The following SYT16 variants were observed in gnomAD, a reference collection of about 807,000 sequenced individuals.
SYT16 encodes synaptotagmin 16, also known as synaptotagmin-16.
Under a neutral mutation model 61.4 loss-of-function variants are expected in SYT16, and 42 were observed. The observed-to-expected ratio is 0.68, with a 90% CI of 0.53 to 0.89. SYT16 has a LOEUF of 0.89. Ranked by LOEUF, SYT16 falls within the 40% of genes least tolerant of loss-of-function variation. The pLI is 0.00. For missense variants in SYT16, 804 were observed against 807.3 expected (o/e 1.00, Z 0.05); for synonymous variants, 314 against 302.3 (o/e 1.04, Z -0.40).
intron 2 of SYT16, among the ~76,000 whole-genome samples, chr14:61,991,950 GT>G (rs2052567858): frequency 2.7e-5 from 4 of 149,160 alleles, no homozygotes; most frequent in Admixed American, 2.7e-4. Flanking sequence ...AACTTTGTTC[GT>G]TCATTCATTC....
intron 1 of SYT16, among the ~76,000 whole-genome samples, chr14:61,923,433 T>C (rs1004709787): frequency 8.5e-5 from 13 of 152,214 alleles, no homozygotes; most frequent in African/African-American, 3.1e-4. Flanking sequence ...ATTGTATTGA[T>C]TTCTACTGCT....
chr14:61,822,875 G>C (rs1239385229), intron 1 of SYT16, among the ~76,000 whole-genome samples: 2 of 152,208 alleles, frequency 1.3e-5, no homozygotes, highest in Non-Finnish European at 2.9e-5. Flanking sequence ...TTATACCAAA[G>C]AACAACTGTT....
intron 3 of SYT16, among the ~76,000 whole-genome samples, chr14:62,068,398 AACAAAAC>A (rs1201480886): frequency 1.7e-5 from 2 of 116,138 alleles, no homozygotes; most frequent in Non-Finnish European, 3.4e-5. Flanking sequence ...AACAAAACAA[AACAAAAC>A]AGTTACCAAG....
At chr14:62,054,117 T>A (rs955780660) in intron 3 of SYT16, among the ~76,000 whole-genome samples, 2 of 152,208 alleles carry the variant, frequency 1.3e-5, no homozygotes, top group African/African-American at 4.8e-5. Flanking sequence ...CTTGTCAGCA[T>A]GTGTGTGATA....
intron 5 of SYT16, among the ~76,000 whole-genome samples, chr14:62,078,187 A>G (rs1202603040): frequency 1.3e-5 from 2 of 151,598 alleles, no homozygotes; most frequent in Admixed American, 6.6e-5. Context: ...ACACACACAC[A>G]CACACACACA....
chr14:61,910,982 TC>T (rs2094241752), intron 1 of SYT16, among the ~76,000 whole-genome samples: 1 of 152,216 alleles, frequency 6.6e-6, no homozygotes, highest in South Asian at 2.1e-4. Context: ...TTTTAGATGT[TC>T]CCCCAAGCTG....
intron 1 of SYT16, among the ~76,000 whole-genome samples, chr14:61,950,552 G>A (rs529199205): frequency 2.6e-5 from 4 of 152,306 alleles, no homozygotes; most frequent in South Asian, 2.1e-4. Flanking sequence ...ATGTGGGCAC[G>A]CAAGTGGGTG....
chr14:62,010,147 CA>C (rs1181314990), intron 3 of SYT16, among the ~76,000 whole-genome samples: 1 of 152,046 alleles, frequency 6.6e-6, no homozygotes, highest in African/African-American at 2.4e-5. Flanking sequence ...GTTAAGTGCA[CA>C]AAACTTAGAT....
chr14:62,105,025 A>C lies in SYT16; in HGVS notation c.*4318A>C, dbSNP rs2057489491. The stretch of plus-strand genomic sequence containing the variant: ...ACAAAAACCAACGTTCAGATACTGT[A>C]ACAAGGATAGGCTCATGAAGCCAGG... On this transcript the variant is annotated 3_prime_UTR_variant, in exon 8 of 8. Transcript: ENST00000683842. 1 of 152,260 alleles carries C rather than the reference A, an allele frequency of 6.6e-6. No homozygotes were observed. Among genetic ancestry groups the C allele is most frequent in the African/African-American group, 2.4e-5 (1 of 41,470 alleles). 9.4% of individuals were successfully genotyped at this position (152,260 alleles called of 1,614,324 possible).
chr14:61,828,203 A>G (rs1594704667), intron 1 of SYT16, among the ~76,000 whole-genome samples: 1 of 152,216 alleles, frequency 6.6e-6, no homozygotes, highest in Non-Finnish European at 1.5e-5. Context: ...CAGAAATATG[A>G]GAAAATTTTA....
At chr14:61,932,058 G>C (rs2049793465) in intron 1 of SYT16, among the ~76,000 whole-genome samples, 2 of 152,194 alleles carry the variant, frequency 1.3e-5, no homozygotes, top group Admixed American at 6.5e-5. Flanking sequence ...GGTGACCAGA[G>C]GACAATTTTA....
intron 3 of SYT16, among the ~76,000 whole-genome samples, chr14:62,019,545 T>G (rs1466935459): frequency 6.6e-6 from 1 of 152,218 alleles, no homozygotes; most frequent in Non-Finnish European, 1.5e-5. Flanking sequence ...AGAATTAGGA[T>G]GAAACAAGCA....
chr14:61,933,250 G>C (rs79316685), intron 1 of SYT16, among the ~76,000 whole-genome samples: 1 of 152,204 alleles, frequency 6.6e-6, no homozygotes, highest in Non-Finnish European at 1.5e-5. Flanking sequence ...GGAAGAGACA[G>C]ACACAAAGCT....
chr14:61,977,043 G>A (rs976911569), intron 2 of SYT16, among the ~76,000 whole-genome samples: 2 of 152,162 alleles, frequency 1.3e-5, no homozygotes, highest in African/African-American at 2.4e-5. Flanking sequence ...CTAAAGCATA[G>A]CAAGGGTGGC....
intron 3 of SYT16, among the ~76,000 whole-genome samples, chr14:62,065,370 A>ACTTCG (rs2056017381): frequency 6.6e-6 from 1 of 152,134 alleles, no homozygotes; most frequent in South Asian, 2.1e-4. Flanking sequence ...TTCCTACTTC[A>ACTTCG]TGGAATGGGT....
intron 1 of SYT16, among the ~76,000 whole-genome samples, chr14:61,893,091 TGC>T (rs2048198059): frequency 6.6e-6 from 1 of 152,114 alleles, no homozygotes. Context: ...AGAGAATTCC[TGC>T]ACACTTCCCA....
intron 3 of SYT16, among the ~76,000 whole-genome samples, chr14:62,008,012 C>G (rs2053293031): frequency 6.6e-6 from 1 of 151,840 alleles, no homozygotes; most frequent in African/African-American, 2.4e-5. Flanking sequence ...GAAGCCAGAG[C>G]TAGACAGGAA....
rs78479326 is a variant in SYT16 at position 61,913,430 on chromosome 14, A to G, written c.-324-56702A>G. 3.1e-3 allele frequency among the ~76,000 whole-genome samples: 470 copies of G among 152,116 alleles called. 3 individuals carry two copies. The highest frequency in any genetic ancestry group is 0.011 in the African/African-American group (445 of 41,486). ...GCTGACCAAAAAATTAAAAAAAATTATTTTTCTTTTTACATCTTTAAAGAT... is the reference window on the plus strand; with the variant it reads ...GCTGACCAAAAAATTAAAAAAAATTGTTTTTCTTTTTACATCTTTAAAGAT... On this transcript the variant is annotated intron_variant, in intron 1 of 7. Transcript: ENST00000683842.
intron 1 of SYT16, among the ~76,000 whole-genome samples, chr14:61,923,486 C>A (rs1566683752): frequency 6.6e-6 from 1 of 152,170 alleles, no homozygotes; most frequent in Non-Finnish European, 1.5e-5. Context: ...GAACCCCAAA[C>A]CTCTCTTCCC....
Sources: allele counts gnomAD v4.1 joint callset (sites outside exome capture counted in the v4.1 genomes callset), GRCh38; gene constraint gnomAD v4.1.1; transcripts MANE v1.5; gene names NCBI Gene and HGNC (gene_info 2026-07-23, HGNC 2026-07-21).